TBK1: variants seen among roughly 807,000 people sequenced by gnomAD.
TBK1 encodes the protein serine/threonine-protein kinase TBK1.
In TBK1, 37 loss-of-function variants were observed where a neutral mutation model predicts 99.9. The observed-to-expected ratio is 0.37, with a 90% CI of 0.28 to 0.49. The LOEUF is 0.49. Among genes scored for constraint, TBK1 ranks in the 20% least tolerant of loss-of-function variants. TBK1 has a pLI of 0.98. For synonymous variants in TBK1, 258 were observed against 279.8 expected (o/e 0.92, Z 0.78); for missense variants, 644 against 872.5 (o/e 0.74, Z 3.30).
chr12:64,497,637 T>TG lies in TBK1; in HGVS notation c.1960-10dup. 1 of 1,488,780 alleles carries TG rather than the reference T, an allele frequency of 6.7e-7. No individual in the cohort carries two copies. 92.2% of individuals were successfully genotyped at this position (1,488,780 alleles called of 1,614,324 possible). A position where few individuals can be genotyped will look rare whatever the true frequency, so the allele number is the denominator to read the frequency against. ...GGTTTTTTTCTTTTTTTTTTTTTTT[T>TG]GATGTTTCAGTTACAAGAAACTCTG... On this transcript the variant is annotated splice_polypyrimidine_tract_variant and intron_variant, in intron 18 of 20. Coordinates refer to ENST00000331710, the MANE Select transcript of TBK1 (RefSeq NM_013254.4).
intron 20 of TBK1, among the ~76,000 whole-genome samples, chr12:64,499,879 G>A (rs1473320385): frequency 6.6e-6 from 1 of 151,810 alleles, no homozygotes; most frequent in Non-Finnish European, 1.5e-5. Context: ...TGTATTTTTA[G>A]TGGAGACAAG....
In TBK1 at chr12:64,490,056, G is replaced by A; in HGVS notation, c.1458G>A (p.Met486Ile). 6.2e-7 allele frequency: 1 copy of A among 1,608,378 alleles called. No homozygotes were observed. The stretch of plus-strand genomic sequence containing the variant: ...TTTCATACAGATATGAAAAGTTGAT[G>A]AAGATCAACCTGGAAGCGGCAGAGT... ...EKTVKVYEKL[M>I]KINLEAAELG... Residue 486 changes from methionine (M) to isoleucine (I), a missense_variant, in exon 13 of 21, where the codon ATG (methionine) becomes ATA (isoleucine). Met to Ile is a conservative substitution (Grantham distance 10, BLOSUM62 1). Coordinates refer to ENST00000331710, the MANE Select transcript of TBK1 (RefSeq NM_013254.4).
chr12:64,466,738 T>TTATA (rs150489787), intron 4 of TBK1, among the ~76,000 whole-genome samples, 163 bp from the exon 5 acceptor site: 12 of 151,240 alleles, frequency 7.9e-5, no homozygotes, highest in Middle Eastern at 3.5e-3. Flanking sequence ...ATAACATCTT[T>TTATA]TATATATATA....
rs1395732350 is a variant in TBK1, at chr12:64,497,699, C to T, written c.2011C>T (p.His671Tyr). Residue 671 changes from histidine to tyrosine, a missense_variant, in exon 19 of 21, where the codon CAT becomes TAT. By Grantham distance (83) the His-to-Tyr change is moderately conservative. This residue lies in a region of TBK1 where 465 missense variants were observed against 588.0 expected (regional missense o/e 0.79). Coordinates refer to ENST00000331710, the MANE Select transcript of TBK1 (RefSeq NM_013254.4). ...GTTTACAGCTTCCAGTGGAATCAAA[C>T]ATACCATGACCCCAATTTATCCAAG... ...KMFTASSGIK[H>Y]TMTPIYPSSN... The T allele has an allele frequency of 8.3e-6, 13 of 1,564,200 alleles. No individual in the cohort carries two copies. The highest frequency in any genetic ancestry group is 1.1e-5 in the Non-Finnish European group (13 of 1,153,786).
intron 11 of TBK1, among the ~76,000 whole-genome samples, chr12:64,486,845 C>T (rs548364814): frequency 6.6e-6 from 1 of 152,216 alleles, no homozygotes; most frequent in South Asian, 2.1e-4. Flanking sequence ...TTCATCACCC[C>T]AGAAAGTATC....
intron 6 of TBK1, among the ~76,000 whole-genome samples, chr12:64,475,570 T>C (rs1359035862): frequency 2.0e-5 from 3 of 152,222 alleles, no homozygotes; most frequent in Non-Finnish European, 4.4e-5. Flanking sequence ...GGAAAAGTTG[T>C]GAACGCAAGA....
Position 64,488,477 on chromosome 12 carries a change from CT to C in TBK1, c.1341-3del, listed in dbSNP as rs201728462. On this transcript the variant is annotated splice_polypyrimidine_tract_variant and intron_variant, in intron 11 of 20. Coordinates refer to ENST00000331710, the MANE Select transcript of TBK1 (RefSeq NM_013254.4). ...TAGATAAACTAATTAGAATAATTTTCTTTTTTTAGTGAATTAATTAAAGATG... is the reference window on the plus strand; with the variant it reads ...TAGATAAACTAATTAGAATAATTTTCTTTTTTAGTGAATTAATTAAAGATG... 7.7e-3 allele frequency: 11,646 copies of C among 1,507,074 alleles called. 48 individuals carry two copies. The highest frequency in any genetic ancestry group is 8.6e-3 in the Non-Finnish European group (9,623 of 1,117,382). The allele number at this position is 1,507,074 out of a possible 1,614,324, so 93.4% of individuals were successfully genotyped here.
chr12:64,466,748 ATATT>A (rs569999567), intron 4 of TBK1, among the ~76,000 whole-genome samples, 149 bp from the exon 5 acceptor site: 258 of 151,944 alleles, frequency 1.7e-3, no homozygotes, highest in Middle Eastern at 6.8e-3. Flanking sequence ...TTATATATAT[ATATT>A]TATTATCTAT....
chr12:64,466,362 A>G (rs2040604388), intron 4 of TBK1, among the ~76,000 whole-genome samples: 2 of 152,182 alleles, frequency 1.3e-5, no homozygotes, highest in African/African-American at 2.4e-5. Context: ...AAAAGAAGAA[A>G]AAATGGGCTT....
rs780741927 is a variant in TBK1 at position 64,501,316 on chromosome 12, T to C, written c.2139-14T>C. 1.9e-6 allele frequency: 3 copies of C among 1,613,802 alleles called. No individual in the cohort carries two copies. Among genetic ancestry groups the C allele is most frequent in the Non-Finnish European group, 2.5e-6 (3 of 1,179,912 alleles). On this transcript the variant is annotated splice_polypyrimidine_tract_variant and intron_variant, in intron 20 of 20. Coordinates refer to ENST00000331710, the MANE Select transcript of TBK1 (RefSeq NM_013254.4). Reference sequence around the variant, plus strand: ...TTTTGAGATTACCTTTTTTTCTTTGTGTGTGTGTTTTAGGTTTGGCTCTTT... The same window carrying C: ...TTTTGAGATTACCTTTTTTTCTTTGCGTGTGTGTTTTAGGTTTGGCTCTTT...
At chr12:64,485,780 C>T (rs916038329) in intron 10 of TBK1, 146 bp from the exon 11 acceptor site, 1 of 472,954 alleles carries the variant, frequency 2.1e-6, no homozygotes, top group African/African-American at 2.0e-5. Flanking sequence ...ATATTTATAT[C>T]TATTTTTAAC....
At chr12:64,474,488 T>G (rs2040692993) in intron 6 of TBK1, 98 bp downstream of exon 6, 1 of 1,188,526 alleles carries the variant, frequency 8.4e-7, no homozygotes, top group African/African-American at 1.5e-5. Flanking sequence ...TAAAAATTGA[T>G]TTAACAATCA....
chr12:64,493,606 G>A (rs150698450), intron 13 of TBK1, among the ~76,000 whole-genome samples: 1 of 151,976 alleles, frequency 6.6e-6, no homozygotes, highest in Non-Finnish European at 1.5e-5. Context: ...CAGCCTGGGC[G>A]ACAGAGACCC....
intron 3 of TBK1, among the ~76,000 whole-genome samples, chr12:64,461,219 A>AG (rs2040545627): frequency 1.3e-5 from 2 of 152,046 alleles, no homozygotes; most frequent in South Asian, 4.1e-4. Flanking sequence ...CGAACTTTAA[A>AG]AAAATAAAAA....
Position 64,460,201 on chromosome 12 carries a change from T to G in TBK1, c.100T>G (p.Leu34Val), listed in dbSNP as rs1298720550. The change falls in exon 3 of 21, where the codon TTA (leucine) becomes GTA (valine). Residue 34 changes from leucine to valine, a missense_variant. Leu to Val is a conservative substitution (Grantham distance 32). Around this residue, in one of 3 missense-constraint regions of TBK1, gnomAD observed 148 missense variants for 202.1 expected, o/e 0.73. Transcript: ENST00000331710. The stretch of plus-strand genomic sequence containing the variant: ...CTCTTTTTTAAAGAAAACTGGTGAT[T>G]TATTTGCTATCAAAGTATTTAATAA... ...FRGRHKKTGD[L>V]FAIKVFNNIS... 4.0e-6 allele frequency: 6 copies of G among 1,505,860 alleles called. No individual in the cohort carries two copies. The East Asian group carries it at 1.2e-4, about 30-fold the overall frequency. 93.3% of individuals were successfully genotyped at this position (1,505,860 alleles called of 1,614,324 possible).
At chr12:64,461,924 T>C (rs889471892) in intron 3 of TBK1, among the ~76,000 whole-genome samples, 2 of 152,246 alleles carry the variant, frequency 1.3e-5, no homozygotes, top group Non-Finnish European at 1.5e-5. Context: ...ATCTTGAAGC[T>C]TCTTTGTCCT....
intron 20 of TBK1, among the ~76,000 whole-genome samples, chr12:64,498,394 GCA>G (rs1202110388): frequency 1.3e-5 from 2 of 152,218 alleles, no homozygotes; most frequent in Non-Finnish European, 2.9e-5. Flanking sequence ...GGGGTCCTCT[GCA>G]CACCTCCTTG....
At chr12:64,472,053 AG>A (rs2040667511) in intron 5 of TBK1, among the ~76,000 whole-genome samples, 1 of 151,706 alleles carries the variant, frequency 6.6e-6, no homozygotes, top group East Asian at 1.9e-4. Context: ...GCTAGGTCAA[AG>A]GTTTGGCAAT....
chr12:64,453,830 T>C (rs2040455424), intron 1 of TBK1, among the ~76,000 whole-genome samples: 1 of 152,230 alleles, frequency 6.6e-6, no homozygotes, highest in South Asian at 2.1e-4. Flanking sequence ...TCCATAGCTT[T>C]TCAGTATTAA....
Sources: allele counts gnomAD v4.1 joint callset (sites outside exome capture counted in the v4.1 genomes callset), GRCh38; gene constraint gnomAD v4.1.1; regional missense constraint gnomAD v4.1.1; transcripts MANE v1.5; gene names NCBI Gene and HGNC (gene_info 2026-07-23, HGNC 2026-07-21).